LARGE1: variants seen among roughly 807,000 people sequenced by gnomAD.
LARGE1 encodes the protein xylosyl- and glucuronyltransferase LARGE1.
In LARGE1, 43 loss-of-function variants were observed where a neutral mutation model predicts 87.6. The ratio of observed to expected loss-of-function variants is 0.49; its 90% confidence interval spans 0.38 to 0.63. The LOEUF (loss-of-function observed/expected upper bound fraction) is 0.63. Ranked by LOEUF, LARGE1 falls within the 30% of genes least tolerant of loss-of-function variation. The pLI, the probability that LARGE1 is intolerant of heterozygous loss-of-function variation, is 0.00. For synonymous variants in LARGE1, 434 were observed against 394.6 expected (o/e 1.10, Z -1.18); for missense variants, 802 against 1,000.2 (o/e 0.80, Z 2.67).
intron 6 of LARGE1, among the ~76,000 whole-genome samples, chr22:33,507,471 A>G (rs1280650924): frequency 6.6e-6 from 1 of 152,066 alleles, no homozygotes; most frequent in Non-Finnish European, 1.5e-5. Context: ...ACATCATATG[A>G]CTCCACTTAT....
chr22:33,879,588 T>C (rs1011029154), intron 1 of LARGE1, among the ~76,000 whole-genome samples: 5 of 152,228 alleles, frequency 3.3e-5, no homozygotes, highest in African/African-American at 1.2e-4. Flanking sequence ...TGTGCTAGAA[T>C]ATCTTTTCCC....
chr22:33,636,694 A>C (rs1304725340), intron 3 of LARGE1, among the ~76,000 whole-genome samples: 1 of 151,480 alleles, frequency 6.6e-6, no homozygotes, highest in East Asian at 1.9e-4. Flanking sequence ...TGCCCAGCTA[A>C]GTTTTGTATT....
chr22:33,382,625 CT>C (rs1471823812), intron 8 of LARGE1, among the ~76,000 whole-genome samples: 1 of 152,134 alleles, frequency 6.6e-6, no homozygotes, highest in Non-Finnish European at 1.5e-5. Context: ...GAGGTTTTAC[CT>C]TTTTTGGGCT....
At chr22:33,299,149 G>T (rs1264014755) in intron 12 of LARGE1, among the ~76,000 whole-genome samples, 1 of 151,922 alleles carries the variant, frequency 6.6e-6, no homozygotes, top group Non-Finnish European at 1.5e-5. Context: ...GGAGGTTGAG[G>T]TTGCGGTGAG....
At chr22:33,614,177 G>T (rs2079517893) in intron 4 of LARGE1, among the ~76,000 whole-genome samples, 1 of 152,040 alleles carries the variant, frequency 6.6e-6, no homozygotes, top group Non-Finnish European at 1.5e-5. Context: ...CTTCAAAATG[G>T]GCTTGATCAC....
chr22:33,488,163 C>T (rs1442915570), intron 6 of LARGE1, among the ~76,000 whole-genome samples: 1 of 152,158 alleles, frequency 6.6e-6, no homozygotes, highest in Non-Finnish European at 1.5e-5. Context: ...ACACAGTAGC[C>T]ACTAGCCACA....
At chr22:33,321,374 G>A (rs545362134) in intron 10 of LARGE1, among the ~76,000 whole-genome samples, 11 of 152,266 alleles carry the variant, frequency 7.2e-5, no homozygotes, top group Non-Finnish European at 1.0e-4. Context: ...ACATATTAGA[G>A]GGAGTCCCCC....
In LARGE1 at chr22:33,776,997, G is replaced by A. The variant is rs1459509748; in HGVS notation, c.-82-15439C>T. Among the ~76,000 whole-genome samples the A allele has an allele frequency of 2.0e-5, 3 of 152,100 alleles. No homozygotes were observed. In the South Asian group the frequency reaches 6.2e-4, roughly 32 times the overall value. ...TTGAGGGGCCTCAAGAGAGTGTACAGGATAGTCAGGCAGACACAAACACCA... is the reference window on the plus strand; with the variant it reads ...TTGAGGGGCCTCAAGAGAGTGTACAAGATAGTCAGGCAGACACAAACACCA... On this transcript the variant is annotated intron_variant, in intron 1 of 14. Transcript: ENST00000397394.
At chr22:33,146,482 T>C in the LARGE1 span, among the ~76,000 whole-genome samples, 45 of 152,154 alleles carry the variant, frequency 3.0e-4, no homozygotes, top group African/African-American at 9.4e-4. Flanking sequence ...GCTTTCAGGG[T>C]TCATATTTAA....
intron 7 of LARGE1, among the ~76,000 whole-genome samples, chr22:33,414,751 G>T (rs933360913): frequency 1.1e-4 from 16 of 152,180 alleles, no homozygotes; most frequent in African/African-American, 3.9e-4. Flanking sequence ...TGGAGTCTTT[G>T]TGAGGTGACT....
chr22:33,532,501 T>C (rs2076931203), intron 6 of LARGE1, among the ~76,000 whole-genome samples: 1 of 152,172 alleles, frequency 6.6e-6, no homozygotes. Flanking sequence ...TCACATACAT[T>C]ATCTCAAATG....
downstream of LARGE1, among the ~76,000 whole-genome samples, chr22:33,159,964 G>C (rs182750184): frequency 3.4e-5 from 5 of 148,266 alleles, no homozygotes; most frequent in Admixed American, 3.4e-4. Flanking sequence ...AAATCAAAAA[G>C]AGAAACAAAA....
intron 1 of LARGE1, among the ~76,000 whole-genome samples, chr22:33,837,579 T>C (rs762836): frequency 0.23 from 35,367 of 152,050 alleles, 4,222 homozygotes; most frequent in Admixed American, 0.35. Context: ...ATTTGTAAAC[T>C]GTGAAAACCC....
At chr22:33,714,590 G>A (rs944403235) in intron 2 of LARGE1, among the ~76,000 whole-genome samples, 1 of 152,154 alleles carries the variant, frequency 6.6e-6, no homozygotes. Flanking sequence ...CAAATCAATT[G>A]AAGGAAGGAA....
chr22:33,505,533 T>C (rs1160626303), intron 6 of LARGE1, among the ~76,000 whole-genome samples: 1 of 152,084 alleles, frequency 6.6e-6, no homozygotes, highest in Non-Finnish European at 1.5e-5. Flanking sequence ...AGGGTGATGC[T>C]GGGAAGAGAG....
intron 11 of LARGE1, among the ~76,000 whole-genome samples, chr22:33,206,650 A>G (rs971994011): frequency 6.6e-5 from 10 of 152,204 alleles, no homozygotes; most frequent in Admixed American, 1.3e-4. Flanking sequence ...AGCATAGCAC[A>G]GTCCAATAGG....
chr22:33,444,893 G>A (rs759989265), intron 6 of LARGE1, among the ~76,000 whole-genome samples: 5 of 152,068 alleles, frequency 3.3e-5, no homozygotes, highest in South Asian at 2.1e-4. Context: ...GCAGTGGCGC[G>A]ATCTCGACTC....
intron 6 of LARGE1, among the ~76,000 whole-genome samples, chr22:33,542,722 A>T (rs1027597525): frequency 1.3e-5 from 2 of 151,774 alleles, no homozygotes; most frequent in Non-Finnish European, 2.9e-5. Context: ...AATTTGCATC[A>T]GATCCATAGA....
chr22:33,707,596 T>C (rs80282636), intron 2 of LARGE1, among the ~76,000 whole-genome samples: 1,646 of 152,348 alleles, frequency 0.011, 39 homozygotes, highest in African/African-American at 0.037. Context: ...TCTCAGTTCT[T>C]TGGAATCAAG....
Sources: allele counts gnomAD v4.1 joint callset (sites outside exome capture counted in the v4.1 genomes callset), GRCh38; gene constraint gnomAD v4.1.1; transcripts MANE v1.5; gene names NCBI Gene and HGNC (gene_info 2026-07-23, HGNC 2026-07-21).